The following PHLPP1 variants were observed in gnomAD, a reference collection of about 807,000 sequenced individuals.
PHLPP1 encodes PH domain leucine-rich repeat-containing protein phosphatase 1.
PHLPP1 carries 42 observed loss-of-function variants against 117.2 expected under a neutral mutation model. The ratio of observed to expected loss-of-function variants is 0.36; its 90% CI spans 0.28 to 0.46. PHLPP1 has a LOEUF of 0.46. Among genes scored for constraint, PHLPP1 ranks in the 20% least tolerant of loss-of-function variants. PHLPP1 has a pLI of 1.00. For missense variants in PHLPP1, 2,084 were observed against 2,241.9 expected (o/e 0.93, Z 1.42); for synonymous variants, 1,042 against 970.7 (o/e 1.07, Z -1.37).
intron 11 of PHLPP1, 21 bp downstream of exon 11, chr18:62,941,939 T>C: frequency 4.4e-6 from 7 of 1,579,708 alleles, no homozygotes; most frequent in Non-Finnish European, 6.1e-6. Context: ...GTTGTAAAGC[T>C]GCGTTCTGAA....
intron 1 of PHLPP1, among the ~76,000 whole-genome samples, chr18:62,750,223 C>T (rs1337152678): frequency 1.3e-5 from 2 of 152,110 alleles, no homozygotes; most frequent in Non-Finnish European, 1.5e-5. Flanking sequence ...TTGAAACACC[C>T]ATTTTTCATC....
intron 2 of PHLPP1, among the ~76,000 whole-genome samples, chr18:62,834,608 G>A (rs1411855555): frequency 2.6e-5 from 4 of 152,148 alleles, no homozygotes; most frequent in African/African-American, 2.4e-5. Flanking sequence ...CAGGGTCGAT[G>A]TACCATTTTG....
chr18:62,766,974 G>A (rs1175714729), intron 1 of PHLPP1, among the ~76,000 whole-genome samples: 1 of 151,994 alleles, frequency 6.6e-6, no homozygotes, highest in East Asian at 1.9e-4. Context: ...GAAACAAGCT[G>A]GGACCTGTTA....
At chr18:62,749,558 A>G (rs538764735) in intron 1 of PHLPP1, among the ~76,000 whole-genome samples, 1 of 152,306 alleles carries the variant, frequency 6.6e-6, no homozygotes, top group South Asian at 2.1e-4. Context: ...CGTTTTCTCC[A>G]CAGTCTGGAG....
chr18:62,740,031 T>C (rs1014206280), intron 1 of PHLPP1, among the ~76,000 whole-genome samples: 2 of 151,716 alleles, frequency 1.3e-5, no homozygotes, highest in East Asian at 3.9e-4. Context: ...AAAGGAGAGG[T>C]GGAGGAGCTG....
At chr18:62,892,082 C>CTTTTTTTTTTTTTTTTTTTTTTTTTTT (rs200141250) in intron 4 of PHLPP1, among the ~76,000 whole-genome samples, 14 of 107,966 alleles carry the variant, frequency 1.3e-4, no homozygotes, top group African/African-American at 2.8e-4. Context: ...TTCTTTCTTT[C>CTTTTTTTTTTTTTTTTTTTTTTTTTTT]TTTTTTTTTT....
intron 1 of PHLPP1, among the ~76,000 whole-genome samples, chr18:62,734,761 T>A (rs978944405): frequency 6.6e-6 from 1 of 152,220 alleles, no homozygotes; most frequent in Non-Finnish European, 1.5e-5. Flanking sequence ...TAACACCTAT[T>A]TGCCCTCTGT....
chr18:62,840,160 G>A (rs575318554), intron 3 of PHLPP1, among the ~76,000 whole-genome samples: 1 of 152,306 alleles, frequency 6.6e-6, no homozygotes, highest in African/African-American at 2.4e-5. Context: ...TTTGAGAACA[G>A]TATCTAGAAA....
chr18:62,928,904 T>G (rs1262862418), intron 10 of PHLPP1, among the ~76,000 whole-genome samples: 1 of 152,212 alleles, frequency 6.6e-6, no homozygotes, highest in Non-Finnish European at 1.5e-5. Flanking sequence ...GGATACATGC[T>G]GTATGATTCT....
chr18:62,964,360 A>G (rs1192967258), intron 14 of PHLPP1, among the ~76,000 whole-genome samples: 2 of 152,176 alleles, frequency 1.3e-5, no homozygotes, highest in African/African-American at 2.4e-5. Flanking sequence ...TGATTCTAGT[A>G]TGGGTCTAGG....
At chr18:62,867,973 G>A (rs1460278979) in intron 4 of PHLPP1, among the ~76,000 whole-genome samples, 1 of 151,936 alleles carries the variant, frequency 6.6e-6, no homozygotes, top group Non-Finnish European at 1.5e-5. Flanking sequence ...CACCACGCCC[G>A]GCTAATTTTT....
intron 1 of PHLPP1, among the ~76,000 whole-genome samples, chr18:62,794,941 T>C (rs1913580241): frequency 6.6e-6 from 1 of 152,158 alleles, no homozygotes; most frequent in Admixed American, 6.5e-5. Context: ...GAACAAACTC[T>C]TAAGGGCAAT....
At chr18:62,772,690 G>T (rs1441428239) in intron 1 of PHLPP1, among the ~76,000 whole-genome samples, 1 of 151,860 alleles carries the variant, frequency 6.6e-6, no homozygotes. Flanking sequence ...AATTAGCTGG[G>T]CGTAGTGGCA....
intron 1 of PHLPP1, among the ~76,000 whole-genome samples, chr18:62,756,329 AG>A (rs1912017415): frequency 6.6e-6 from 1 of 152,224 alleles, no homozygotes; most frequent in Admixed American, 6.5e-5. Context: ...CCCAGCCACC[AG>A]GGAGCTAGGA....
At chr18:62,833,156 C>G (rs897710827) in intron 2 of PHLPP1, among the ~76,000 whole-genome samples, 1 of 152,148 alleles carries the variant, frequency 6.6e-6, no homozygotes, top group African/African-American at 2.4e-5. Context: ...TCACTGCACT[C>G]TCTGCCTCCC....
intron 1 of PHLPP1, among the ~76,000 whole-genome samples, chr18:62,752,661 C>A (rs1020958630): frequency 1.6e-4 from 25 of 152,138 alleles, no homozygotes; most frequent in African/African-American, 6.0e-4. Flanking sequence ...AGTTCTGTAA[C>A]CCAAGGGAAG....
At chr18:62,892,343 C>T (rs1163078001) in intron 4 of PHLPP1, among the ~76,000 whole-genome samples, 1 of 151,914 alleles carries the variant, frequency 6.6e-6, no homozygotes, top group Non-Finnish European at 1.5e-5. Context: ...CCGGCCTCAG[C>T]CTCCCGAAGT....
rs1911272928 is a variant in PHLPP1 at position 62,978,579 on chromosome 18, C to T, written c.4302C>T (p.Leu1434=). The T allele has an allele frequency of 2.5e-6, 4 of 1,613,562 alleles. No homozygotes were observed. In the East Asian group the frequency reaches 8.9e-5, roughly 36 times the overall value. ...VTEDSFCCCE[L]SAGGAVPPPS... ...AGGACAGCTTCTGCTGCTGCGAGCT[C>T]AGCGCCGGTGGGGCTGTGCCACCAC... is the stretch of plus-strand genomic sequence containing the variant. The change falls in exon 17 of 17, where the codon CTC becomes CTT. Residue 1434 remains leucine (L), a synonymous_variant. Coordinates refer to ENST00000262719, the MANE Select transcript of PHLPP1 (RefSeq NM_194449.4). The surrounding 1 kb of genome is among the most constrained non-coding windows in gnomAD (Gnocchi z 7.0).
chr18:62,974,622 C>T (rs1599149205), intron 15 of PHLPP1, among the ~76,000 whole-genome samples: 1 of 152,162 alleles, frequency 6.6e-6, no homozygotes, highest in Non-Finnish European at 1.5e-5. Flanking sequence ...CCGTCTCTGC[C>T]ATTTCTCTCC....
Sources: allele counts gnomAD v4.1 joint callset (sites outside exome capture counted in the v4.1 genomes callset), GRCh38; gene constraint gnomAD v4.1.1; non-coding constraint Gnocchi (gnomAD v3.1); transcripts MANE v1.5; gene names NCBI Gene and HGNC (gene_info 2026-07-23, HGNC 2026-07-21).